The following TNRC6B variants were observed in gnomAD, a reference collection of about 807,000 sequenced individuals.
TNRC6B encodes trinucleotide repeat containing adaptor 6B.
A neutral mutation model predicts 203.6 loss-of-function variants in TNRC6B; 52 were observed. That is an observed-to-expected ratio of 0.26 (90% CI 0.20 to 0.32). The LOEUF is 0.32. TNRC6B is among the 10% of genes least tolerant of loss of function. The pLI is 1.00. For synonymous variants in TNRC6B, 838 were observed against 845.7 expected (o/e 0.99, Z 0.16); for missense variants, 1,923 against 2,286.2 (o/e 0.84, Z 3.24).
At chr22:40,278,982 C>T (rs2070689817) in intron 9 of TNRC6B, among the ~76,000 whole-genome samples, 1 of 152,232 alleles carries the variant, frequency 6.6e-6, no homozygotes, top group Admixed American at 6.5e-5. Flanking sequence ...CTCCAGTGAT[C>T]CACCTTCCTC....
intron 1 of TNRC6B, among the ~76,000 whole-genome samples, chr22:40,217,614 C>G (rs2069652367): frequency 1.3e-5 from 2 of 152,144 alleles, no homozygotes. Flanking sequence ...TATGCAGATG[C>G]TGAAAAAGAT....
intron 4 of TNRC6B, among the ~76,000 whole-genome samples, chr22:40,164,982 A>G (rs998826034): frequency 6.6e-6 from 1 of 150,820 alleles, no homozygotes; most frequent in South Asian, 2.1e-4. Context: ...CGGTTTCAGC[A>G]TGTTGGCCAG....
intron 12 of TNRC6B, among the ~76,000 whole-genome samples, chr22:40,292,693 T>C (rs2070884572): frequency 6.6e-6 from 1 of 152,210 alleles, no homozygotes; most frequent in African/African-American, 2.4e-5. Flanking sequence ...TGAGCAGGTG[T>C]TTGCCTGGAG....
chr22:40,119,663 C>T (rs1025280573), intron 2 of TNRC6B, among the ~76,000 whole-genome samples: 3 of 152,220 alleles, frequency 2.0e-5, no homozygotes, highest in African/African-American at 7.2e-5. Context: ...CATGAGGGGA[C>T]ATGACTTGTC....
intron 3 of TNRC6B, among the ~76,000 whole-genome samples, chr22:40,142,754 C>T (rs999288919): frequency 1.3e-5 from 2 of 152,064 alleles, no homozygotes; most frequent in Non-Finnish European, 2.9e-5. Context: ...TCTTGCCCAT[C>T]CTATAGTTGT....
At chr22:40,168,415 G>C (rs1300979318) in intron 4 of TNRC6B, among the ~76,000 whole-genome samples, 1 of 152,152 alleles carries the variant, frequency 6.6e-6, no homozygotes, top group Non-Finnish European at 1.5e-5. Flanking sequence ...TGTACGAGGT[G>C]CCTTGGAACA....
At chr22:40,317,364 G>A (rs1283155788) in intron 21 of TNRC6B, among the ~76,000 whole-genome samples, 1 of 152,194 alleles carries the variant, frequency 6.6e-6, no homozygotes, top group Non-Finnish European at 1.5e-5. Context: ...TGGATCACGA[G>A]GTCAAGAGGT....
At chr22:40,179,156 G>T (rs372294352) in intron 1 of TNRC6B, among the ~76,000 whole-genome samples, 1 of 152,172 alleles carries the variant, frequency 6.6e-6, no homozygotes, top group South Asian at 2.1e-4. Context: ...TGCAGTGCCT[G>T]AAGTTAAATT....
chr22:40,317,992 G>A (rs1361932682), intron 21 of TNRC6B, among the ~76,000 whole-genome samples: 1 of 152,198 alleles, frequency 6.6e-6, no homozygotes, highest in East Asian at 1.9e-4. Flanking sequence ...GGCCTAATAT[G>A]TTTGACATGT....
chr22:40,233,254 G>A (rs969087041), intron 1 of TNRC6B, among the ~76,000 whole-genome samples: 5 of 152,056 alleles, frequency 3.3e-5, no homozygotes, highest in Non-Finnish European at 5.9e-5. Flanking sequence ...CCCTGGGGCC[G>A]GAGGTTGCAG....
chr22:40,254,754 G>A (rs931941332), intron 3 of TNRC6B, among the ~76,000 whole-genome samples: 3 of 152,160 alleles, frequency 2.0e-5, no homozygotes, highest in African/African-American at 7.2e-5. Flanking sequence ...AGGCGTGGTG[G>A]CATGTGCCTG....
At chr22:40,052,266 T>C (rs1005757509) in intron 1 of TNRC6B, among the ~76,000 whole-genome samples, 6 of 152,112 alleles carry the variant, frequency 3.9e-5, no homozygotes, top group Admixed American at 1.3e-4. Flanking sequence ...CATATAGTGA[T>C]TACTTACGGT....
chr22:40,266,860 A>G lies in TNRC6B; in HGVS notation c.2630A>G (p.Glu877Gly), dbSNP rs1197064050. 6.2e-7 allele frequency: 1 copy of G among 1,613,904 alleles called. No individual in the cohort carries two copies. Among genetic ancestry groups the G allele is most frequent in the Non-Finnish European group, 8.5e-7 (1 of 1,179,892 alleles). The change falls in exon 5 of 23, where the codon GAG becomes GGG. Residue 877 changes from glutamate to glycine, a missense_variant. Glu to Gly is a moderately conservative substitution (Grantham distance 98). Transcript: ENST00000454349. ...PKDEEPSGWEEPSPQSISRKM... is the reference protein window; with the variant it reads ...PKDEEPSGWEGPSPQSISRKM... ...GATGAGGAACCCAGTGGTTGGGAAG[A>G]GCCATCCCCACAGTCAATTAGTCGG... is the stretch of plus-strand genomic sequence containing the variant.
chr22:40,270,038 C>A, intron 5 of TNRC6B, 84 bp from the exon 6 acceptor site: 2 of 1,360,510 alleles, frequency 1.5e-6, no homozygotes, highest in Non-Finnish European at 2.0e-6. Context: ...TATAGGCATG[C>A]CTGTTCCTTC....
intron 3 of TNRC6B, among the ~76,000 whole-genome samples, chr22:40,146,200 A>T (rs2068694102): frequency 6.6e-6 from 1 of 152,198 alleles, no homozygotes; most frequent in Non-Finnish European, 1.5e-5. Context: ...AGAAGTTTGC[A>T]TTCGTGGTTG....
chr22:40,239,775 G>A (rs984447555), intron 1 of TNRC6B, among the ~76,000 whole-genome samples: 2 of 152,116 alleles, frequency 1.3e-5, no homozygotes, highest in Non-Finnish European at 2.9e-5. Context: ...CTTGCATGCG[G>A]GGCAGTCTTG....
At chr22:40,143,553 A>G (rs1293874740) in intron 3 of TNRC6B, among the ~76,000 whole-genome samples, 1 of 152,280 alleles carries the variant, frequency 6.6e-6, no homozygotes, top group African/African-American at 2.4e-5. Context: ...GCAGTGGCCC[A>G]ATCTCGGCTC....
intron 12 of TNRC6B, among the ~76,000 whole-genome samples, 162 bp from the exon 13 acceptor site, chr22:40,300,290 CATT>C (rs1299134485): frequency 1.3e-5 from 2 of 152,126 alleles, no homozygotes; most frequent in Non-Finnish European, 2.9e-5. Context: ...CCAAGATAAT[CATT>C]GTTAACCCTT....
At chr22:40,099,974 A>G (rs933254426) in intron 1 of TNRC6B, among the ~76,000 whole-genome samples, 5 of 152,080 alleles carry the variant, frequency 3.3e-5, no homozygotes, top group African/African-American at 1.2e-4. Flanking sequence ...GATGGTCTCG[A>G]TCTCCTGACC....
Sources: allele counts gnomAD v4.1 joint callset (sites outside exome capture counted in the v4.1 genomes callset), GRCh38; gene constraint gnomAD v4.1.1; transcripts MANE v1.5; gene names NCBI Gene and HGNC (gene_info 2026-07-23, HGNC 2026-07-21).